Variants in MAP4K4 observed in about 807,000 individuals in gnomAD.
The protein encoded by MAP4K4 is HPK/GCK-like kinase HGK.
In MAP4K4, 38 loss-of-function variants were observed where a neutral mutation model predicts 189.6. The observed-to-expected ratio is 0.20, with a 90% CI of 0.15 to 0.26. MAP4K4 has a LOEUF of 0.26. MAP4K4 is among the 10% of genes least tolerant of loss of function. The pLI, the probability that MAP4K4 is intolerant of heterozygous loss-of-function variation, is 1.00. For missense variants in MAP4K4, 1,054 were observed against 1,726.9 expected, an observed-to-expected ratio of 0.61 and a Z score of 6.91; for synonymous variants, 610 against 624.3, an observed-to-expected ratio of 0.98 and a Z score of 0.34.
intron 2 of MAP4K4, among the ~76,000 whole-genome samples, chr2:101,751,490 C>T (rs2068933929): frequency 6.6e-6 from 1 of 152,150 alleles, no homozygotes; most frequent in South Asian, 2.1e-4. Flanking sequence ...GACAAAAGGC[C>T]AGAGGGGGTG....
intron 2 of MAP4K4, among the ~76,000 whole-genome samples, chr2:101,724,372 T>C (rs1025302043): frequency 6.6e-6 from 1 of 152,182 alleles, no homozygotes; most frequent in Non-Finnish European, 1.5e-5. Context: ...CCAGATCGTG[T>C]CATCTATTTG....
chr2:101,801,307 A>G (rs145106839), intron 3 of MAP4K4, among the ~76,000 whole-genome samples: 1 of 152,302 alleles, frequency 6.6e-6, no homozygotes, highest in East Asian at 1.9e-4. Context: ...GCACAATGAC[A>G]GGATCCAGAG....
At chr2:101,856,250 C>T (rs192692262) in intron 13 of MAP4K4, 112 bp downstream of exon 13, 2 of 956,080 alleles carry the variant, frequency 2.1e-6, no homozygotes, top group African/African-American at 1.7e-5. Flanking sequence ...CATGTACACA[C>T]ATACACATAT....
intron 3 of MAP4K4, among the ~76,000 whole-genome samples, chr2:101,815,921 G>C (rs1483977301): frequency 6.6e-6 from 1 of 152,176 alleles, no homozygotes; most frequent in East Asian, 1.9e-4. Context: ...GGGACGTGTT[G>C]ATAGTGTGCT....
chr2:101,701,901 T>A (rs1230818562), intron 2 of MAP4K4, among the ~76,000 whole-genome samples: 1 of 152,218 alleles, frequency 6.6e-6, no homozygotes, highest in Non-Finnish European at 1.5e-5. Flanking sequence ...AGGTTTGCTC[T>A]GTTGCCCAGG....
At chr2:101,805,041 C>T (rs1220410105) in intron 3 of MAP4K4, among the ~76,000 whole-genome samples, 2 of 144,398 alleles carry the variant, frequency 1.4e-5, no homozygotes, top group South Asian at 2.2e-4. Flanking sequence ...ACCATGCACT[C>T]CAGCCTGGGT....
intron 14 of MAP4K4, among the ~76,000 whole-genome samples, chr2:101,859,392 C>T (rs2097567550): frequency 6.6e-6 from 1 of 152,140 alleles, no homozygotes; most frequent in African/African-American, 2.4e-5. Context: ...GGATTTTTAC[C>T]TAGTATCTAT....
At chr2:101,764,489 T>C (rs1035831885) in intron 2 of MAP4K4, among the ~76,000 whole-genome samples, 15 of 152,210 alleles carry the variant, frequency 9.9e-5, no homozygotes, top group Non-Finnish European at 1.9e-4. Context: ...GATGATCCAG[T>C]GTGTGAATAT....
At chr2:101,854,017 T>C (rs2097366520) in intron 12 of MAP4K4, among the ~76,000 whole-genome samples, 3 of 152,186 alleles carry the variant, frequency 2.0e-5, no homozygotes, top group Admixed American at 1.3e-4. Context: ...TTTTGTTTCG[T>C]TTTGCCTCTT....
chr2:101,758,766 C>T (rs748778146), intron 2 of MAP4K4, among the ~76,000 whole-genome samples: 1 of 152,142 alleles, frequency 6.6e-6, no homozygotes, highest in African/African-American at 2.4e-5. Flanking sequence ...GAAATAATCA[C>T]ACTCACATCC....
intron 2 of MAP4K4, among the ~76,000 whole-genome samples, chr2:101,743,686 C>G (rs1384273894): frequency 2.6e-5 from 4 of 152,104 alleles, no homozygotes; most frequent in Admixed American, 2.6e-4. Flanking sequence ...GAGATGGAGT[C>G]TTGCTCTGTC....
At chr2:101,859,108 T>A in intron 14 of MAP4K4, 26 bp downstream of exon 14, 1 of 1,593,476 alleles carries the variant, frequency 6.3e-7, no homozygotes, top group East Asian at 2.2e-5. Context: ...TGTTTCATTC[T>A]GTAGCATCAG....
rs114443219 is a variant in MAP4K4, at chr2:101,733,599, G to C, written c.123+35061G>C. Reference sequence around the variant, plus strand: ...GCTGGTTGGCTTGTCAGCTCCCTGAGGCTCTCACCTTGTCACACCAAAGGG... The same window carrying C: ...GCTGGTTGGCTTGTCAGCTCCCTGACGCTCTCACCTTGTCACACCAAAGGG... On this transcript the variant is annotated intron_variant, in intron 2 of 32. Coordinates refer to ENST00000324219, the Ensembl canonical transcript of MAP4K4. Among the ~76,000 whole-genome samples, 377 of 152,312 alleles carry C rather than the reference G, an allele frequency of 2.5e-3. 2 individuals carry two copies. Among genetic ancestry groups the C allele is most frequent in the African/African-American group, 8.4e-3 (349 of 41,566 alleles).
chr2:101,827,700 G>A (rs1407806476), intron 5 of MAP4K4, among the ~76,000 whole-genome samples: 1 of 152,216 alleles, frequency 6.6e-6, no homozygotes. Context: ...AGGCTTAGCA[G>A]CAGGCCAGCG....
intron 2 of MAP4K4, among the ~76,000 whole-genome samples, chr2:101,778,319 G>T (rs917206932): frequency 1.3e-5 from 2 of 152,212 alleles, no homozygotes; most frequent in Non-Finnish European, 2.9e-5. Flanking sequence ...TCTGATTCGT[G>T]TGTCCAGCAC....
At chr2:101,822,246 G>C (rs912809299) in intron 3 of MAP4K4, among the ~76,000 whole-genome samples, 3 of 152,178 alleles carry the variant, frequency 2.0e-5, no homozygotes, top group East Asian at 3.9e-4. Context: ...ACAGCTGGCT[G>C]TGCGGCAGGT....
intron 2 of MAP4K4, among the ~76,000 whole-genome samples, chr2:101,777,908 G>T (rs1297870547): frequency 6.6e-6 from 1 of 152,218 alleles, no homozygotes; most frequent in East Asian, 1.9e-4. Context: ...CTTCAGTTTA[G>T]TGGCAGAGCA....
exon 33 of MAP4K4, chr2:101,891,411 A>G (rs1048979273): frequency 5.0e-6 from 3 of 599,908 alleles, no homozygotes; most frequent in Admixed American, 5.9e-5. Context: ...TGTTCCTCTT[A>G]TATACCAGTT....
chr2:101,825,476 T>G, intron 5 of MAP4K4, 47 bp downstream of exon 5: 1 of 1,271,608 alleles, frequency 7.9e-7, no homozygotes, highest in Non-Finnish European at 1.1e-6. Flanking sequence ...GATCCTGTGC[T>G]TCCGTTTTCA....
Sources: gnomAD v4.1 joint callset for allele counts (sites outside exome capture counted in the v4.1 genomes callset) on GRCh38, gnomAD v4.1.1 for gene constraint, MANE v1.5 for transcripts, NCBI Gene and HGNC (gene_info 2026-07-23, HGNC 2026-07-21) for gene names.